The following FRAS1 variants were observed in gnomAD, a reference collection of about 807,000 sequenced individuals.
The protein encoded by FRAS1 is Fraser extracellular matrix complex subunit 1, also known as extracellular matrix organizing protein FRAS1.
FRAS1 carries 290 observed loss-of-function variants against 435.2 expected under a neutral mutation model. The observed-to-expected ratio is 0.67, with a 90% CI of 0.61 to 0.73. The LOEUF is 0.73. Among genes scored for constraint, FRAS1 ranks in the 30% least tolerant of loss-of-function variants. The pLI, the probability that FRAS1 is intolerant of heterozygous loss-of-function variation, is 0.00. For missense variants in FRAS1, 4,860 were observed against 5,001.5 expected (o/e 0.97, Z 0.85); for synonymous variants, 1,800 against 1,851.0 (o/e 0.97, Z 0.71).
Position 78,477,847 on chromosome 4 carries a change from C to T in FRAS1, c.7884C>T (p.Ser2628=). The change falls in exon 55 of 74, where the codon TCC becomes TCT. Residue 2628 remains serine, a synonymous_variant. Coordinates refer to ENST00000512123, the MANE Select transcript of FRAS1 (RefSeq NM_025074.7). The part of the protein sequence containing the change: ...VQFDEREDTK[S]CTIVINDDDV... Reference sequence around the variant, plus strand: ...TTGATGAGCGAGAGGACACCAAGTCCTGCACCATTGTCATCAACGATGATG... The same window carrying T: ...TTGATGAGCGAGAGGACACCAAGTCTTGCACCATTGTCATCAACGATGATG... The T allele has an allele frequency of 6.2e-7, 1 of 1,613,600 alleles. No individual in the cohort carries two copies. Among genetic ancestry groups the T allele is most frequent in the Non-Finnish European group, 8.5e-7 (1 of 1,179,752 alleles).
At chr4:78,469,251 A>G (rs552633501) in intron 50 of FRAS1, among the ~76,000 whole-genome samples, 5 of 152,306 alleles carry the variant, frequency 3.3e-5, no homozygotes, top group African/African-American at 1.2e-4. Flanking sequence ...TGAAAAGCCA[A>G]CGTCTCATTG....
rs564487781 is a variant in FRAS1 at position 78,465,458 on chromosome 4, G to A, written c.7030-750G>A. On this transcript the variant is annotated intron_variant, in intron 49 of 73. Transcript: ENST00000512123. ...AGTATCCAGAGAAGGCCTCTCTGAG[G>A]AGGTCATACTTTAGCAAAGACATTA... is the stretch of plus-strand genomic sequence containing the variant. 1.5e-3 allele frequency among the ~76,000 whole-genome samples: 230 copies of A among 152,320 alleles called. 2 individuals are homozygous for A. Among genetic ancestry groups the A allele is most frequent in the African/African-American group, 5.0e-3 (208 of 41,576 alleles).
At chr4:78,365,856 C>T (rs1001736230) in intron 22 of FRAS1, among the ~76,000 whole-genome samples, 3 of 151,116 alleles carry the variant, frequency 2.0e-5, no homozygotes, top group African/African-American at 4.9e-5. Flanking sequence ...TCCAGCTACT[C>T]GGGGGTGCTG....
rs77760422 is a variant in FRAS1 at position 78,356,312 on chromosome 4, C to G, written c.2423-7201C>G. On this transcript the variant is annotated intron_variant, in intron 20 of 73. Transcript: ENST00000512123. ...CCTTTTTCGTGGGCCTTCAAATTCTCCATGATTTCCTAGTATTTTTACTCC... is the reference window on the plus strand; with the variant it reads ...CCTTTTTCGTGGGCCTTCAAATTCTGCATGATTTCCTAGTATTTTTACTCC... Among the ~76,000 whole-genome samples the G allele has an allele frequency of 4.1e-3, 625 of 152,194 alleles. 3 individuals are homozygous for G. The highest frequency in any genetic ancestry group is 0.015 in the African/African-American group (609 of 41,506).
At chr4:78,280,811 G>C (rs937396865) in intron 10 of FRAS1, among the ~76,000 whole-genome samples, 36 of 152,266 alleles carry the variant, frequency 2.4e-4, no homozygotes, top group African/African-American at 7.7e-4. Context: ...GAAGCACTTA[G>C]AACAGTGCTT....
At chr4:78,510,628 T>C (rs1363446003) in intron 63 of FRAS1, among the ~76,000 whole-genome samples, 2 of 152,224 alleles carry the variant, frequency 1.3e-5, no homozygotes, top group African/African-American at 4.8e-5. Flanking sequence ...AGAGTCCTGG[T>C]GACCTACATT....
At chr4:78,240,707 A>C (rs570361460) in intron 3 of FRAS1, among the ~76,000 whole-genome samples, 3 of 152,334 alleles carry the variant, frequency 2.0e-5, no homozygotes, top group Non-Finnish European at 4.4e-5. Flanking sequence ...CGTATTGCAA[A>C]CATGTAGAAT....
At chr4:78,420,423 C>T (rs939986347) in intron 33 of FRAS1, among the ~76,000 whole-genome samples, 2 of 113,876 alleles carry the variant, frequency 1.8e-5, no homozygotes, top group Non-Finnish European at 4.4e-5. Context: ...TGAATTAGTT[C>T]AACATCAAGC....
chr4:78,128,733 T>G (rs1407043881), intron 2 of FRAS1, among the ~76,000 whole-genome samples: 1 of 152,246 alleles, frequency 6.6e-6, no homozygotes, highest in Non-Finnish European at 1.5e-5. Flanking sequence ...TAGTTTCTTT[T>G]GCTGTGCAGA....
Position 78,451,879 on chromosome 4 carries a change from A to G in FRAS1, c.6571A>G (p.Ile2191Val), listed in dbSNP as rs781302755. ...CAGATTGATTGACAAGTCATTTTCC[A>G]TCAGCATTCTAGGTAAAGAGACATT... ...GNRLIDKSFS[I>V]SILEDKSPPV... is the part of the protein sequence containing the mutation. The change falls in exon 46 of 74, where the codon ATC (isoleucine) becomes GTC (valine). Residue 2191 changes from isoleucine (I) to valine (V), a missense_variant. Ile to Val is a conservative substitution (Grantham distance 29, BLOSUM62 3). Transcript: ENST00000512123. 2 of 1,612,298 alleles carry G rather than the reference A, an allele frequency of 1.2e-6. No individual in the cohort carries two copies. The highest frequency in any genetic ancestry group is 2.2e-5 in the South Asian group (2 of 90,526).
chr4:78,249,212 T>C (rs1725415747), intron 4 of FRAS1, among the ~76,000 whole-genome samples: 1 of 149,558 alleles, frequency 6.7e-6, no homozygotes, highest in Non-Finnish European at 1.5e-5. Flanking sequence ...GGAGTAAACT[T>C]AGGTGACTTG....
At chr4:78,497,008 A>G in intron 60 of FRAS1, 47 bp downstream of exon 60, 1 of 1,451,030 alleles carries the variant, frequency 6.9e-7, no homozygotes, top group Non-Finnish European at 9.5e-7. Context: ...GAGGGGACAT[A>G]AACTGATGTT....
intron 2 of FRAS1, among the ~76,000 whole-genome samples, chr4:78,144,974 T>C (rs531900817): frequency 2.0e-5 from 3 of 152,212 alleles, no homozygotes; most frequent in Admixed American, 6.5e-5. Context: ...TTTCTTAGGA[T>C]AAATACCTGG....
At chr4:78,442,084 C>T (rs1299472418) in intron 41 of FRAS1, among the ~76,000 whole-genome samples, 4 of 152,234 alleles carry the variant, frequency 2.6e-5, no homozygotes, top group African/African-American at 9.6e-5. Flanking sequence ...CCATTGACTG[C>T]AGGTGTCTGG....
At chr4:78,220,929 A>T (rs961146758) in intron 2 of FRAS1, among the ~76,000 whole-genome samples, 1 of 152,200 alleles carries the variant, frequency 6.6e-6, no homozygotes, top group Non-Finnish European at 1.5e-5. Context: ...TGACTTTGGG[A>T]GGCTGAGGCG....
chr4:78,403,438 T>C (rs980798682), intron 30 of FRAS1, among the ~76,000 whole-genome samples: 2 of 152,170 alleles, frequency 1.3e-5, no homozygotes, highest in African/African-American at 4.8e-5. Context: ...TCACGTTACC[T>C]AGAAACCATT....
intron 2 of FRAS1, among the ~76,000 whole-genome samples, chr4:78,073,952 G>C (rs920652619): frequency 6.6e-6 from 1 of 152,096 alleles, no homozygotes; most frequent in African/African-American, 2.4e-5. Flanking sequence ...AGTTCTTTTA[G>C]CAATGATTTC....
chr4:78,539,524 A>G (rs1468567797), intron 73 of FRAS1, 84 bp downstream of exon 73: 23 of 1,197,784 alleles, frequency 1.9e-5, no homozygotes, highest in Non-Finnish European at 2.6e-5. Flanking sequence ...GAGGACTGCA[A>G]CATCTCTGGA....
chr4:78,274,302 G>A lies in FRAS1; in HGVS notation c.982-4353G>A, dbSNP rs1361777366. ...ATTGATTTTTTGAAGGGTTTTTTGT[G>A]TCTCTATCTCCTTCAGTTCTGCTGT... is the stretch of plus-strand genomic sequence containing the variant. On this transcript the variant is annotated intron_variant, in intron 9 of 73. Transcript: ENST00000512123. Among the ~76,000 whole-genome samples the A allele has an allele frequency of 5.3e-5, 8 of 152,110 alleles. No homozygotes were observed. The East Asian group carries it at 1.5e-3, about 29-fold the overall frequency.
Sources: allele counts gnomAD v4.1 joint callset (sites outside exome capture counted in the v4.1 genomes callset), GRCh38; gene constraint gnomAD v4.1.1; transcripts MANE v1.5; gene names NCBI Gene and HGNC (gene_info 2026-07-23, HGNC 2026-07-21).